The following GRIK2 variants were observed in gnomAD, a reference collection of about 807,000 sequenced individuals.
The protein encoded by GRIK2 is glutamate receptor ionotropic, kainate 2.
A neutral mutation model predicts 100.3 loss-of-function variants in GRIK2; 32 were observed. That is an observed-to-expected ratio of 0.32 (90% CI 0.24 to 0.43). The LOEUF is 0.43. GRIK2 is among the 20% of genes least tolerant of loss of function. The pLI is 1.00. For synonymous variants in GRIK2, 417 were observed against 389.4 expected (o/e 1.07, Z -0.83); for missense variants, 843 against 1,114.9 (o/e 0.76, Z 3.47).
intron 2 of GRIK2, among the ~76,000 whole-genome samples, chr6:101,576,378 T>C (rs1777788128): frequency 2.0e-5 from 3 of 152,242 alleles, no homozygotes; most frequent in South Asian, 2.1e-4. Flanking sequence ...GCATTTATGA[T>C]GTTTATGAGG....
chr6:101,898,477 G>GAA (rs139240098), intron 12 of GRIK2, among the ~76,000 whole-genome samples: 1 of 149,378 alleles, frequency 6.7e-6, no homozygotes, highest in African/African-American at 2.5e-5. Context: ...ATAATTCCTT[G>GAA]AAAAAAAAAT....
At chr6:101,860,937 GA>G in intron 11 of GRIK2, 1 of 926,604 alleles carries the variant, frequency 1.1e-6, no homozygotes, top group Non-Finnish European at 1.3e-6. Context: ...GTTAGTCCTT[GA>G]AAAAAGACCT....
intron 8 of GRIK2, among the ~76,000 whole-genome samples, chr6:101,801,437 C>T (rs1389526846): frequency 6.6e-6 from 1 of 151,936 alleles, no homozygotes; most frequent in Admixed American, 6.6e-5. Context: ...GAATCTTGCA[C>T]ATAAGTATCC....
chr6:101,950,385 T>C (rs1401944629), intron 14 of GRIK2, among the ~76,000 whole-genome samples: 3 of 152,192 alleles, frequency 2.0e-5, no homozygotes, highest in Non-Finnish European at 4.4e-5. Context: ...CCTCTCTCTC[T>C]ACTAAAACTT....
At chr6:101,793,538 G>C (rs541920356) in intron 7 of GRIK2, among the ~76,000 whole-genome samples, 1 of 152,234 alleles carries the variant, frequency 6.6e-6, no homozygotes, top group Non-Finnish European at 1.5e-5. Context: ...CTTGTACCGC[G>C]AATGCTGCTG....
At chr6:101,788,899 C>G (rs1779625085) in intron 7 of GRIK2, among the ~76,000 whole-genome samples, 1 of 152,116 alleles carries the variant, frequency 6.6e-6, no homozygotes, top group South Asian at 2.1e-4. Flanking sequence ...TAATGATTGC[C>G]ATTCTAACTG....
intron 2 of GRIK2, among the ~76,000 whole-genome samples, chr6:101,616,245 C>T (rs1042836948): frequency 1.2e-4 from 18 of 151,882 alleles, no homozygotes; most frequent in African/African-American, 4.3e-4. Context: ...TTTCACTGTC[C>T]TGTTTTCTGC....
At chr6:101,470,644 G>A (rs1197538618) in intron 2 of GRIK2, among the ~76,000 whole-genome samples, 1 of 152,084 alleles carries the variant, frequency 6.6e-6, no homozygotes, top group Non-Finnish European at 1.5e-5. Context: ...GTAGGGTGAT[G>A]GTTCAAGCCC....
rs536868810 is a variant in GRIK2 at position 101,433,238 on chromosome 6, A to G, written c.115+33846A>G. ...GTATCCAATAAAGTGCTCGGCATCTAGAAAACACTTGAGAAATGCAAGTTA... is the reference window on the plus strand; with the variant it reads ...GTATCCAATAAAGTGCTCGGCATCTGGAAAACACTTGAGAAATGCAAGTTA... On this transcript the variant is annotated intron_variant, in intron 2 of 16. Coordinates refer to ENST00000369134, the MANE Select transcript of GRIK2 (RefSeq NM_021956.5). 3.3e-5 allele frequency among the ~76,000 whole-genome samples: 5 copies of G among 152,366 alleles called. No homozygotes were observed. The South Asian group carries it at 1.0e-3, about 32-fold the overall frequency.
intron 10 of GRIK2, among the ~76,000 whole-genome samples, chr6:101,826,903 C>A (rs1330386484): frequency 6.6e-6 from 1 of 151,956 alleles, no homozygotes; most frequent in Middle Eastern, 3.2e-3. Flanking sequence ...TGGTGAACAG[C>A]ACAACTAGCA....
rs556849194 is a variant in GRIK2, at chr6:101,973,567, C to A, written c.2085+44935C>A. Among the ~76,000 whole-genome samples, 4 of 151,936 alleles carry A rather than the reference C, an allele frequency of 2.6e-5. No individual in the cohort carries two copies. The East Asian group carries it at 7.8e-4, about 30-fold the overall frequency. ...TAGAATCACTATGATATTTTGAAATCTTTATGAACCTCAAGATGTTTACTT... is the reference window on the plus strand; with the variant it reads ...TAGAATCACTATGATATTTTGAAATATTTATGAACCTCAAGATGTTTACTT... On this transcript the variant is annotated intron_variant, in intron 14 of 16. Transcript: ENST00000369134.
At chr6:101,792,176 G>A (rs1779919224) in intron 7 of GRIK2, among the ~76,000 whole-genome samples, 1 of 151,486 alleles carries the variant, frequency 6.6e-6, no homozygotes, top group East Asian at 1.9e-4. Context: ...GCCAGTCTGT[G>A]TCTTTTAATT....
At chr6:101,873,917 T>C (rs1267838793) in intron 11 of GRIK2, among the ~76,000 whole-genome samples, 1 of 152,190 alleles carries the variant, frequency 6.6e-6, no homozygotes, top group Non-Finnish European at 1.5e-5. Context: ...TCTGTTCATA[T>C]CCTTTGCCCA....
chr6:102,066,234 C>T (rs1772009611), intron 16 of GRIK2, among the ~76,000 whole-genome samples: 1 of 151,178 alleles, frequency 6.6e-6, no homozygotes, highest in African/African-American at 2.4e-5. Context: ...GTTTCTAAAC[C>T]TGAAAATTTT....
chr6:101,421,661 T>G (rs1277424189), intron 2 of GRIK2, among the ~76,000 whole-genome samples: 1 of 120,866 alleles, frequency 8.3e-6, no homozygotes, highest in African/African-American at 3.6e-5. Context: ...AGGAAAGCTG[T>G]TTTTTTTCTC....
intron 7 of GRIK2, among the ~76,000 whole-genome samples, chr6:101,704,965 C>T (rs1198143019): frequency 6.9e-6 from 1 of 144,866 alleles, no homozygotes; most frequent in African/African-American, 2.6e-5. Context: ...TTCTAACTTT[C>T]ATATATATTT....
In GRIK2 at chr6:101,879,814, A is replaced by T. The variant is rs1464579859; in HGVS notation, c.1525-9826A>T. Among the ~76,000 whole-genome samples, 8 of 151,790 alleles carry T rather than the reference A, an allele frequency of 5.3e-5. No individual in the cohort carries two copies. In the Admixed American group the frequency reaches 5.3e-4, roughly 10 times the overall value. On this transcript the variant is annotated intron_variant, in intron 11 of 16. Transcript: ENST00000369134. ...GATACTCCTATTTCGGGGTAGGTAA[A>T]CTTGGACCACAGAAGTTCACTTTCA...
intron 4 of GRIK2, among the ~76,000 whole-genome samples, chr6:101,675,542 T>C (rs1025122747): frequency 9.9e-5 from 15 of 152,124 alleles, no homozygotes; most frequent in Non-Finnish European, 1.9e-4. Context: ...TGGAATTGGA[T>C]GATCTTTTTT....
chr6:101,892,830 TTAAAA>T (rs1399306735), intron 12 of GRIK2, among the ~76,000 whole-genome samples: 17 of 151,698 alleles, frequency 1.1e-4, no homozygotes, highest in African/African-American at 3.6e-4. Context: ...ATTTTCAATC[TTAAAA>T]TAATCTTGTT....
Sources: allele counts gnomAD v4.1 joint callset (sites outside exome capture counted in the v4.1 genomes callset), GRCh38; gene constraint gnomAD v4.1.1; transcripts MANE v1.5; gene names NCBI Gene and HGNC (gene_info 2026-07-23, HGNC 2026-07-21).